The following NRG1 variants were observed in gnomAD, a reference collection of about 807,000 sequenced individuals.
The protein encoded by NRG1 is pro-neuregulin-1, membrane-bound isoform.
Under a neutral mutation model 63.8 loss-of-function variants are expected in NRG1, and 18 were observed. The observed-to-expected ratio is 0.28, with a 90% CI of 0.19 to 0.42. The LOEUF is 0.42. Ranked by LOEUF, NRG1 falls within the 10% of genes least tolerant of loss-of-function variation. NRG1 has a pLI of 1.00. For synonymous variants in NRG1, 302 were observed against 301.3 expected (o/e 1.00, Z -0.02); for missense variants, 762 against 814.7 (o/e 0.94, Z 0.79).
At chr8:32,185,213 T>C (rs977855400) in intron 1 of NRG1, among the ~76,000 whole-genome samples, 1 of 152,224 alleles carries the variant, frequency 6.6e-6, no homozygotes, top group Non-Finnish European at 1.5e-5. Flanking sequence ...GGCATTAACC[T>C]GCAGAACCAT....
At chr8:32,179,917 A>C (rs759230990) in intron 1 of NRG1, among the ~76,000 whole-genome samples, 51 of 152,130 alleles carry the variant, frequency 3.4e-4, no homozygotes, top group Non-Finnish European at 5.3e-4. Context: ...CTAAACACGA[A>C]GGTTTGAAGT....
intron 1 of NRG1, among the ~76,000 whole-genome samples, chr8:32,479,307 C>G (rs1824929432): frequency 6.6e-6 from 1 of 151,962 alleles, no homozygotes; most frequent in African/African-American, 2.4e-5. Flanking sequence ...GAAACCCCAT[C>G]TCTACTAAAA....
At chr8:31,921,728 A>G (rs1833936794) in intron 1 of NRG1, among the ~76,000 whole-genome samples, 1 of 152,186 alleles carries the variant, frequency 6.6e-6, no homozygotes, top group Non-Finnish European at 1.5e-5. Flanking sequence ...CATCATTAAC[A>G]GCTGCTTCCA....
At chr8:31,805,019 G>T (rs1379779782) in intron 1 of NRG1, among the ~76,000 whole-genome samples, 1 of 152,148 alleles carries the variant, frequency 6.6e-6, no homozygotes, top group African/African-American at 2.4e-5. Context: ...CTTTTTAGCA[G>T]AATTCAAACT....
intron 5 of NRG1, among the ~76,000 whole-genome samples, chr8:32,655,334 A>G (rs2129548252): frequency 6.6e-6 from 1 of 152,262 alleles, no homozygotes; most frequent in East Asian, 1.9e-4. Flanking sequence ...TACCAGCTCT[A>G]CCTCTTGCAT....
intron 1 of NRG1, among the ~76,000 whole-genome samples, chr8:31,868,454 A>G (rs1347752923): frequency 6.6e-6 from 1 of 152,204 alleles, no homozygotes; most frequent in Non-Finnish European, 1.5e-5. Flanking sequence ...CTGATTGCGT[A>G]GTAATTCACT....
chr8:32,074,794 G>C (rs1826240227), intron 1 of NRG1, among the ~76,000 whole-genome samples: 1 of 152,168 alleles, frequency 6.6e-6, no homozygotes, highest in Non-Finnish European at 1.5e-5. Context: ...GTAAATTACT[G>C]GGTGGGATTT....
At chr8:32,700,455 A>C (rs1814556686) in intron 5 of NRG1, among the ~76,000 whole-genome samples, 2 of 152,210 alleles carry the variant, frequency 1.3e-5, no homozygotes, top group South Asian at 4.1e-4. Context: ...CTTTTCCTTG[A>C]GTGTAAAGAC....
At chr8:32,091,156 T>C (rs976410800) in intron 1 of NRG1, among the ~76,000 whole-genome samples, 1 of 151,654 alleles carries the variant, frequency 6.6e-6, no homozygotes, top group Non-Finnish European at 1.5e-5. Flanking sequence ...CGGGTGCCTG[T>C]AGTCCCAGCT....
rs918619518 is a variant in NRG1 at position 32,392,460 on chromosome 8, T to C, written c.38-203368T>C. Reference sequence around the variant, plus strand: ...GTATGCCATTTGGCAAATCTACATGTTCCTCCCTTTTTTCGCATCTCCATG... The same window carrying C: ...GTATGCCATTTGGCAAATCTACATGCTCCTCCCTTTTTTCGCATCTCCATG... On this transcript the variant is annotated intron_variant, in intron 1 of 10. Transcript: ENST00000519301. Among the ~76,000 whole-genome samples, 5 of 152,242 alleles carry C rather than the reference T, an allele frequency of 3.3e-5. No individual in the cohort carries two copies. The South Asian group carries it at 1.0e-3, about 32-fold the overall frequency.
At chr8:32,638,657 C>CT (rs1361221506) in intron 5 of NRG1, among the ~76,000 whole-genome samples, 1 of 152,182 alleles carries the variant, frequency 6.6e-6, no homozygotes, top group African/African-American at 2.4e-5. Flanking sequence ...TTAAACAAAT[C>CT]TGACTCTAGC....
At chr8:32,694,804 C>T (rs1321561074) in intron 5 of NRG1, among the ~76,000 whole-genome samples, 2 of 152,154 alleles carry the variant, frequency 1.3e-5, no homozygotes, top group Non-Finnish European at 2.9e-5. Context: ...AGTGTGTACT[C>T]ATTTTACAGA....
Position 32,277,461 on chromosome 8 carries a change from C to T in NRG1, c.38-318367C>T, listed in dbSNP as rs138501472. On this transcript the variant is annotated intron_variant, in intron 1 of 10. Coordinates refer to the NRG1 transcript ENST00000519301. ...TGAATTCCCTAGCTAAGTTATTTAC[C>T]TAAACAAAGTCTTGTTCACTTTGAA... 2.1e-3 allele frequency among the ~76,000 whole-genome samples: 327 copies of T among 152,222 alleles called. 1 individual carries two copies. Among genetic ancestry groups the T allele is most frequent in the Admixed American group, 4.3e-3 (66 of 15,284 alleles).
At chr8:31,990,400 G>C (rs1810858956) in intron 1 of NRG1, among the ~76,000 whole-genome samples, 1 of 151,962 alleles carries the variant, frequency 6.6e-6, no homozygotes, top group Non-Finnish European at 1.5e-5. Flanking sequence ...TATTGTGGTA[G>C]GTAGAAATGC....
intron 1 of NRG1, among the ~76,000 whole-genome samples, chr8:31,871,808 C>T (rs768054987): frequency 3.3e-5 from 5 of 152,110 alleles, no homozygotes; most frequent in South Asian, 2.1e-4. Context: ...TGTTGGCCCA[C>T]GACACATAAT....
At chr8:32,403,287 G>A (rs532484513) in intron 1 of NRG1, among the ~76,000 whole-genome samples, 756 of 117,912 alleles carry the variant, frequency 6.4e-3, no homozygotes, top group Non-Finnish European at 0.01. Flanking sequence ...GCGACAGAGC[G>A]ACACTCTGTC....
intron 1 of NRG1, among the ~76,000 whole-genome samples, chr8:32,191,548 T>C (rs2132203201): frequency 6.6e-6 from 1 of 152,342 alleles, no homozygotes; most frequent in Non-Finnish European, 1.5e-5. Flanking sequence ...GTTAAGCTTT[T>C]TTGCCGTAAG....
At chr8:32,723,115 C>A (rs1428573519) in intron 5 of NRG1, among the ~76,000 whole-genome samples, 1 of 150,016 alleles carries the variant, frequency 6.7e-6, no homozygotes, top group Non-Finnish European at 1.5e-5. Flanking sequence ...AGTGTTGCAA[C>A]TGACAAAGTG....
intron 1 of NRG1, among the ~76,000 whole-genome samples, chr8:31,775,882 CAAAAAAAA>C (rs71208140): frequency 1.4e-5 from 1 of 72,204 alleles, no homozygotes; most frequent in South Asian, 5.1e-4. Flanking sequence ...GACTCCGTCT[CAAAAAAAA>C]AAAAAAAAAA....
Sources: gnomAD v4.1 joint callset for allele counts (sites outside exome capture counted in the v4.1 genomes callset) on GRCh38, gnomAD v4.1.1 for gene constraint, MANE v1.5 for transcripts, NCBI Gene and HGNC (gene_info 2026-07-23, HGNC 2026-07-21) for gene names.